The following AFG1L variants were observed in gnomAD, a reference collection of about 807,000 sequenced individuals.
The protein encoded by AFG1L is AFG1 like ATPase.
In AFG1L, 53 loss-of-function variants were observed where a neutral mutation model predicts 62.2. The ratio of observed to expected loss-of-function variants is 0.85; its 90% confidence interval spans 0.68 to 1.07. AFG1L has a LOEUF of 1.07. Ranked by LOEUF, AFG1L falls within the 50% of genes least tolerant of loss-of-function variation. AFG1L has a pLI of 0.00. For synonymous variants in AFG1L, 228 were observed against 210.3 expected, an observed-to-expected ratio of 1.08 and a Z score of -0.73; for missense variants, 555 against 590.5, an observed-to-expected ratio of 0.94 and a Z score of 0.62.
chr6:108,466,779 AT>A (rs1473193502), intron 8 of AFG1L, among the ~76,000 whole-genome samples: 39 of 148,020 alleles, frequency 2.6e-4, no homozygotes, highest in African/African-American at 9.1e-4. Flanking sequence ...ATTTTAAAAA[AT>A]ATATATATTT....
At chr6:108,505,747 G>A (rs1381420620) in intron 10 of AFG1L, among the ~76,000 whole-genome samples, 1 of 152,160 alleles carries the variant, frequency 6.6e-6, no homozygotes, top group African/African-American at 2.4e-5. Context: ...ATTAAACACA[G>A]CTAAGGAGAA....
chr6:108,438,349 G>T (rs1771401051), intron 7 of AFG1L, among the ~76,000 whole-genome samples: 1 of 152,070 alleles, frequency 6.6e-6, no homozygotes, highest in South Asian at 2.1e-4. Context: ...CCTTCTCACT[G>T]TGTTTTCACA....
chr6:108,457,604 C>A (rs1772302037), intron 8 of AFG1L, among the ~76,000 whole-genome samples: 1 of 151,592 alleles, frequency 6.6e-6, no homozygotes, highest in African/African-American at 2.4e-5. Flanking sequence ...ATTACTTTTG[C>A]TTAAACAGTC....
intron 7 of AFG1L, among the ~76,000 whole-genome samples, chr6:108,404,340 C>A: frequency 6.6e-6 from 1 of 151,874 alleles, no homozygotes; most frequent in South Asian, 2.1e-4. Context: ...CTCTATAAAC[C>A]AAATAGTTAT....
chr6:108,448,873 G>C (rs1393626828), intron 8 of AFG1L, among the ~76,000 whole-genome samples: 4 of 152,124 alleles, frequency 2.6e-5, no homozygotes, highest in African/African-American at 9.7e-5. Flanking sequence ...TCAAAGGCCA[G>C]GCACAATGGC....
chr6:108,349,413 G>T (rs554675710), intron 3 of AFG1L, among the ~76,000 whole-genome samples: 1 of 152,130 alleles, frequency 6.6e-6, no homozygotes, highest in African/African-American at 2.4e-5. Flanking sequence ...GAGCCTAGGA[G>T]GTCAAGGCTG....
chr6:108,361,751 C>CTT (rs1779538181), intron 5 of AFG1L, among the ~76,000 whole-genome samples: 4 of 152,270 alleles, frequency 2.6e-5, no homozygotes, highest in African/African-American at 9.6e-5. Context: ...TTCATCATAT[C>CTT]TTTGCTCAAT....
At chr6:108,427,495 A>G (rs1212618611) in intron 7 of AFG1L, among the ~76,000 whole-genome samples, 1 of 149,958 alleles carries the variant, frequency 6.7e-6, no homozygotes, top group African/African-American at 2.5e-5. Flanking sequence ...ATATTTCTGT[A>G]GGTTAGATTT....
At chr6:108,375,167 A>G (rs1780190932) in intron 6 of AFG1L, among the ~76,000 whole-genome samples, 2 of 152,100 alleles carry the variant, frequency 1.3e-5, no homozygotes, top group East Asian at 1.9e-4. Context: ...TGATTTTTAT[A>G]TATTGATTTT....
At chr6:108,297,365 C>T (rs186493409) in intron 1 of AFG1L, among the ~76,000 whole-genome samples, 363 of 152,254 alleles carry the variant, frequency 2.4e-3, no homozygotes, top group Non-Finnish European at 4.0e-3. Flanking sequence ...CCTCGGCCCC[C>T]CAAAATGCTG....
intron 2 of AFG1L, among the ~76,000 whole-genome samples, chr6:108,333,610 A>T (rs1778361396): frequency 6.6e-6 from 1 of 152,132 alleles, no homozygotes; most frequent in Non-Finnish European, 1.5e-5. Flanking sequence ...AGAATATATA[A>T]ATAACATCTA....
intron 2 of AFG1L, among the ~76,000 whole-genome samples, chr6:108,324,945 G>A (rs1361071213): frequency 6.6e-6 from 1 of 152,048 alleles, no homozygotes; most frequent in Non-Finnish European, 1.5e-5. Context: ...CACCTGTCTC[G>A]GCCACCCAAA....
At chr6:108,509,706 T>C (rs1274120900) in intron 10 of AFG1L, among the ~76,000 whole-genome samples, 2 of 152,220 alleles carry the variant, frequency 1.3e-5, no homozygotes, top group Non-Finnish European at 2.9e-5. Flanking sequence ...ACACAGTGTA[T>C]GTTATCTGTG....
chr6:108,378,850 G>A (rs76247471), intron 6 of AFG1L, among the ~76,000 whole-genome samples: 193 of 150,512 alleles, frequency 1.3e-3, no homozygotes, highest in African/African-American at 4.4e-3. Flanking sequence ...TAATGTTGTT[G>A]TTATTATTAT....
chr6:108,304,067 A>C (rs1454433275), intron 1 of AFG1L, among the ~76,000 whole-genome samples: 2 of 152,204 alleles, frequency 1.3e-5, no homozygotes, highest in Admixed American at 1.3e-4. Context: ...CTAGCTTCTG[A>C]AGGAAAAGAA....
At chr6:108,440,758 T>C (rs961353732) in intron 7 of AFG1L, among the ~76,000 whole-genome samples, 3 of 150,738 alleles carry the variant, frequency 2.0e-5, no homozygotes, top group Non-Finnish European at 4.4e-5. Context: ...GAAGCAGAGG[T>C]TGCAGTGAGC....
intron 10 of AFG1L, among the ~76,000 whole-genome samples, chr6:108,488,728 T>C (rs1210315532): frequency 6.7e-6 from 1 of 148,726 alleles, no homozygotes; most frequent in Admixed American, 6.7e-5. Flanking sequence ...ATTAGCTGAG[T>C]GTGATGGCGC....
At chr6:108,515,207 A>G (rs1309871562) in intron 11 of AFG1L, among the ~76,000 whole-genome samples, 1 of 152,222 alleles carries the variant, frequency 6.6e-6, no homozygotes, top group Non-Finnish European at 1.5e-5. Flanking sequence ...TCTTTTCAGC[A>G]CCACACCACA....
chr6:108,316,581 TG>T (rs1777610160), intron 1 of AFG1L, among the ~76,000 whole-genome samples: 1 of 146,484 alleles, frequency 6.8e-6, no homozygotes, highest in Non-Finnish European at 1.5e-5. Context: ...TTGCCCAGGC[TG>T]GAGTGCAGTG....
Sources: allele counts gnomAD v4.1 joint callset (sites outside exome capture counted in the v4.1 genomes callset), GRCh38; gene constraint gnomAD v4.1.1; transcripts MANE v1.5; gene names NCBI Gene and HGNC (gene_info 2026-07-23, HGNC 2026-07-21).